The following CDIN1 variants were observed in gnomAD, a reference collection of about 807,000 sequenced individuals.
CDIN1 encodes CDAN1 interacting nuclease 1.
Under a neutral mutation model 45.3 loss-of-function variants are expected in CDIN1, and 33 were observed. That is an observed-to-expected ratio of 0.73 (90% confidence interval 0.55 to 0.97). The LOEUF (loss-of-function observed/expected upper bound fraction) is 0.97, where lower values mean the gene tolerates loss of function less well. Among genes scored for constraint, CDIN1 ranks in the 50% least tolerant of loss-of-function variants. The pLI is 0.00. For missense variants in CDIN1, 303 were observed against 339.4 expected (o/e 0.89, Z 0.84); for synonymous variants, 118 against 124.4 (o/e 0.95, Z 0.34).
chr15:36,587,121 A>G (rs1456202167), intron 1 of CDIN1, among the ~76,000 whole-genome samples: 1 of 152,206 alleles, frequency 6.6e-6, no homozygotes, highest in African/African-American at 2.4e-5. Flanking sequence ...AGATATCTGT[A>G]TCATTTTGAT....
At chr15:36,763,800 C>A (rs941836182) in intron 10 of CDIN1, among the ~76,000 whole-genome samples, 1 of 152,120 alleles carries the variant, frequency 6.6e-6, no homozygotes. Context: ...GCTGGCTCCA[C>A]CTAAAACCTG....
chr15:36,703,532 G>A (rs879276047), intron 8 of CDIN1, among the ~76,000 whole-genome samples: 3 of 151,108 alleles, frequency 2.0e-5, no homozygotes, highest in Non-Finnish European at 4.4e-5. Flanking sequence ...GTGAGAGTAG[G>A]GTAGCAATGC....
chr15:36,632,246 C>A (rs1386173789), intron 1 of CDIN1, among the ~76,000 whole-genome samples: 2 of 152,178 alleles, frequency 1.3e-5, no homozygotes, highest in Non-Finnish European at 2.9e-5. Flanking sequence ...ATCTTTGTAG[C>A]CTCAAAACTA....
intron 10 of CDIN1, among the ~76,000 whole-genome samples, chr15:36,745,803 T>TA (rs2044401703): frequency 6.6e-6 from 1 of 151,932 alleles, no homozygotes; most frequent in African/African-American, 2.4e-5. Context: ...CTGTCTCTAC[T>TA]AAAAATGCAA....
chr15:36,632,717 G>T (rs1174887559), intron 1 of CDIN1, among the ~76,000 whole-genome samples: 5 of 152,116 alleles, frequency 3.3e-5, no homozygotes, highest in Admixed American at 3.3e-4. Flanking sequence ...ATTTCCCGAG[G>T]GGAAGGAGAG....
At chr15:36,803,716 C>T (rs2055126704) in intron 10 of CDIN1, among the ~76,000 whole-genome samples, 1 of 152,180 alleles carries the variant, frequency 6.6e-6, no homozygotes, top group Non-Finnish European at 1.5e-5. Context: ...ATCCTTCCTC[C>T]ATAAGAGCAC....
At chr15:36,680,573 A>G (rs1286470647) in intron 5 of CDIN1, among the ~76,000 whole-genome samples, 1 of 152,180 alleles carries the variant, frequency 6.6e-6, no homozygotes, top group Admixed American at 6.6e-5. Context: ...TGTATTCAGA[A>G]TGATCTACAG....
chr15:36,698,923 C>T (rs988153756), intron 8 of CDIN1, among the ~76,000 whole-genome samples: 4 of 152,138 alleles, frequency 2.6e-5, no homozygotes, highest in South Asian at 4.1e-4. Flanking sequence ...TGAACTTGAA[C>T]GTGTTAAATT....
chr15:36,805,238 A>T (rs1435032119), intron 10 of CDIN1, among the ~76,000 whole-genome samples: 1 of 152,120 alleles, frequency 6.6e-6, no homozygotes, highest in East Asian at 1.9e-4. Flanking sequence ...GAGTATAGCA[A>T]CCATAAAATT....
chr15:36,726,459 C>T (rs978114262), intron 10 of CDIN1, among the ~76,000 whole-genome samples: 2 of 152,144 alleles, frequency 1.3e-5, no homozygotes, highest in Admixed American at 6.6e-5. Flanking sequence ...CTCCACTGTG[C>T]CAAGCGTGGC....
intron 2 of CDIN1, among the ~76,000 whole-genome samples, chr15:36,644,910 C>T (rs1350592856): frequency 2.0e-5 from 3 of 152,178 alleles, no homozygotes; most frequent in African/African-American, 7.2e-5. Flanking sequence ...AAAGAGGGAA[C>T]AAGTTTTTCT....
intron 1 of CDIN1, among the ~76,000 whole-genome samples, chr15:36,628,814 G>A (rs76420691): frequency 1.5e-3 from 229 of 152,276 alleles, no homozygotes; most frequent in Non-Finnish European, 2.6e-3. Flanking sequence ...TAGAGTCTTT[G>A]CAGATGTAAT....
At chr15:36,636,795 A>G (rs529086408) in intron 1 of CDIN1, among the ~76,000 whole-genome samples, 35 of 152,312 alleles carry the variant, frequency 2.3e-4, no homozygotes, top group Admixed American at 1.5e-3. Context: ...CCAGAAAGCA[A>G]TAAATCACCA....
At chr15:36,660,114 G>T (rs1203652094) in intron 5 of CDIN1, among the ~76,000 whole-genome samples, 1 of 151,924 alleles carries the variant, frequency 6.6e-6, no homozygotes, top group East Asian at 1.9e-4. Flanking sequence ...AAATTTCCCT[G>T]TGTGTATATT....
chr15:36,762,870 A>G (rs2053809288), intron 10 of CDIN1, among the ~76,000 whole-genome samples: 1 of 151,906 alleles, frequency 6.6e-6, no homozygotes. Flanking sequence ...TATGTGCCAC[A>G]TTTTCTTAAT....
intron 5 of CDIN1, among the ~76,000 whole-genome samples, chr15:36,682,362 C>G (rs1171119624): frequency 6.6e-6 from 1 of 152,116 alleles, no homozygotes; most frequent in Admixed American, 6.6e-5. Flanking sequence ...CCTTTTAGTT[C>G]TAGTCGGTCC....
At chr15:36,762,474 TTTG>T (rs1415973909) in intron 10 of CDIN1, among the ~76,000 whole-genome samples, 1 of 148,396 alleles carries the variant, frequency 6.7e-6, no homozygotes, top group Non-Finnish European at 1.5e-5. Context: ...CATATGTTGT[TTTG>T]TTTTGTTTGT....
chr15:36,749,587 C>T (rs768292483), intron 10 of CDIN1, among the ~76,000 whole-genome samples: 1 of 152,332 alleles, frequency 6.6e-6, no homozygotes, highest in Non-Finnish European at 1.5e-5. Context: ...ACTCAGCTGG[C>T]TGTCTGCCGC....
chr15:36,679,445 G>T (rs2041772996), intron 5 of CDIN1, among the ~76,000 whole-genome samples: 1 of 152,118 alleles, frequency 6.6e-6, no homozygotes, highest in African/African-American at 2.4e-5. Context: ...ATACTGAGAG[G>T]TGTCAACATT....
Sources: gnomAD v4.1 joint callset for allele counts (sites outside exome capture counted in the v4.1 genomes callset) on GRCh38, gnomAD v4.1.1 for gene constraint, MANE v1.5 for transcripts, NCBI Gene and HGNC (gene_info 2026-07-23, HGNC 2026-07-21) for gene names.